The following MACROD2 variants were observed in gnomAD, a reference collection of about 807,000 sequenced individuals.
MACROD2 encodes mono-ADP ribosylhydrolase 2.
A neutral mutation model predicts 70.4 loss-of-function variants in MACROD2; 36 were observed. The ratio of observed to expected loss-of-function variants is 0.51; its 90% CI spans 0.39 to 0.68. The LOEUF (loss-of-function observed/expected upper bound fraction) is 0.68, where lower values mean the gene tolerates loss of function less well. Among genes scored for constraint, MACROD2 ranks in the 30% least tolerant of loss-of-function variants. The pLI is 0.00. For synonymous variants in MACROD2, 172 were observed against 178.8 expected (o/e 0.96, Z 0.30); for missense variants, 496 against 538.4 (o/e 0.92, Z 0.78).
intron 7 of MACROD2, among the ~76,000 whole-genome samples, chr20:15,491,429 C>A (rs891977575): frequency 1.3e-5 from 2 of 152,160 alleles, no homozygotes; most frequent in African/African-American, 2.4e-5. Context: ...GGTTTGACTA[C>A]CCCCAAAAAG....
intron 8 of MACROD2, among the ~76,000 whole-genome samples, chr20:15,838,850 A>G (rs8123881): frequency 0.2 from 30,191 of 150,780 alleles, 3,916 homozygotes; most frequent in African/African-American, 0.37. Context: ...TCATTTGATA[A>G]AAGCATTTAT....
chr20:15,038,808 T>G (rs1382756423), intron 5 of MACROD2, among the ~76,000 whole-genome samples: 4 of 152,144 alleles, frequency 2.6e-5, no homozygotes, highest in Non-Finnish European at 4.4e-5. Flanking sequence ...ATTGATGCTA[T>G]CATAGGAGTG....
intron 4 of MACROD2, among the ~76,000 whole-genome samples, chr20:14,535,241 C>T (rs568558140): frequency 2.6e-5 from 4 of 152,220 alleles, no homozygotes; most frequent in African/African-American, 4.8e-5. Context: ...CAGTGGCTCA[C>T]GCCTGTAATC....
intron 6 of MACROD2, among the ~76,000 whole-genome samples, chr20:15,419,400 G>C (rs1258019965): frequency 6.6e-6 from 1 of 152,172 alleles, no homozygotes; most frequent in Non-Finnish European, 1.5e-5. Context: ...GCGTATCATG[G>C]ACAGGGGTGA....
At chr20:14,746,033 C>G (rs1210337500) in intron 5 of MACROD2, among the ~76,000 whole-genome samples, 2 of 152,106 alleles carry the variant, frequency 1.3e-5, no homozygotes, top group African/African-American at 4.8e-5. Flanking sequence ...CCCAATGCTG[C>G]TCTCAAATTA....
chr20:15,610,574 C>G (rs2048953239), intron 8 of MACROD2, among the ~76,000 whole-genome samples: 1 of 152,154 alleles, frequency 6.6e-6, no homozygotes, highest in Non-Finnish European at 1.5e-5. Flanking sequence ...CCAGGATGAT[C>G]TATCTTAGCA....
At chr20:14,069,380 CAT>C (rs1320983053) in intron 2 of MACROD2, among the ~76,000 whole-genome samples, 2 of 152,048 alleles carry the variant, frequency 1.3e-5, no homozygotes, top group African/African-American at 2.4e-5. Flanking sequence ...CCCTGCATGA[CAT>C]GTGAGCAGAG....
At chr20:16,017,707 T>C (rs2066947974) in intron 15 of MACROD2, among the ~76,000 whole-genome samples, 3 of 152,214 alleles carry the variant, frequency 2.0e-5, no homozygotes, top group Admixed American at 2.0e-4. Flanking sequence ...CATAGTTGAC[T>C]CCTCAGAGTA....
At position 14,480,316 on chromosome 20, in the gene MACROD2, G is replaced by A. The variant is rs2084648748; in HGVS notation, c.272-13163G>A. ...TGTATTCTTTATAATTGGCATAGAG[G>A]TTTCAGTAATTTGCCCAAAATTATA... On this transcript the variant is annotated intron_variant, in intron 3 of 17. Transcript: ENST00000684519. 2.0e-5 allele frequency among the ~76,000 whole-genome samples: 3 copies of A among 152,096 alleles called. No individual in the cohort carries two copies. The South Asian group carries it at 6.2e-4, about 31-fold the overall frequency.
intron 2 of MACROD2, among the ~76,000 whole-genome samples, chr20:14,020,116 C>G (rs952871394): frequency 2.6e-5 from 4 of 152,182 alleles, no homozygotes. Flanking sequence ...CTGGATTAAT[C>G]TGCACATGCT....
intron 7 of MACROD2, among the ~76,000 whole-genome samples, chr20:15,498,727 T>G (rs1463335288): frequency 6.6e-6 from 1 of 152,148 alleles, no homozygotes; most frequent in African/African-American, 2.4e-5. Flanking sequence ...ATAAAAATAT[T>G]CTGGAATTAG....
chr20:14,468,854 A>G (rs1247243966), intron 3 of MACROD2, among the ~76,000 whole-genome samples: 1 of 152,192 alleles, frequency 6.6e-6, no homozygotes, highest in African/African-American at 2.4e-5. Context: ...GGTCTCCTGA[A>G]TACAGCACCC....
intron 4 of MACROD2, among the ~76,000 whole-genome samples, chr20:14,567,529 A>G (rs1294796142): frequency 6.6e-6 from 1 of 152,080 alleles, no homozygotes; most frequent in Non-Finnish European, 1.5e-5. Context: ...CAGCCAGAAC[A>G]TGCTAGCATG....
chr20:15,595,641 C>A (rs1176717420), intron 8 of MACROD2, among the ~76,000 whole-genome samples: 1 of 152,050 alleles, frequency 6.6e-6, no homozygotes, highest in Non-Finnish European at 1.5e-5. Flanking sequence ...TTAATTATAA[C>A]ATTATTTTAA....
Position 15,792,272 on chromosome 20 carries a change from A to G in MACROD2, c.646-70473A>G, listed in dbSNP as rs1187744895. Among the ~76,000 whole-genome samples, 4 of 152,282 alleles carry G rather than the reference A, an allele frequency of 2.6e-5. No homozygotes were observed. In the East Asian group the frequency reaches 7.7e-4, roughly 29 times the overall value. On this transcript the variant is annotated intron_variant, in intron 8 of 17. Coordinates refer to ENST00000684519, the MANE Select transcript of MACROD2 (RefSeq NM_001351661.2). Reference sequence around the variant, plus strand: ...ATTAAACTATGACAGTTTGAGGAAAAACATGAGTGAATTTATTTAAAATTT... The same window carrying G: ...ATTAAACTATGACAGTTTGAGGAAAGACATGAGTGAATTTATTTAAAATTT...
At chr20:15,120,409 G>A (rs1420726141) in intron 5 of MACROD2, among the ~76,000 whole-genome samples, 1 of 152,086 alleles carries the variant, frequency 6.6e-6, no homozygotes, top group Non-Finnish European at 1.5e-5. Context: ...CCAACAGACT[G>A]AACAAATGAA....
intron 7 of MACROD2, among the ~76,000 whole-genome samples, chr20:15,494,745 G>T (rs2047273248): frequency 1.2e-5 from 1 of 82,348 alleles, no homozygotes; most frequent in Non-Finnish European, 2.4e-5. Flanking sequence ...GGGTGTGTGT[G>T]TGTGTGTGTG....
chr20:14,742,160 A>G (rs1367172359), intron 5 of MACROD2, among the ~76,000 whole-genome samples: 1 of 152,168 alleles, frequency 6.6e-6, no homozygotes, highest in Non-Finnish European at 1.5e-5. Context: ...GAAATTTTAT[A>G]AGAATTTTTA....
chr20:15,192,679 C>T (rs375284309), intron 5 of MACROD2, among the ~76,000 whole-genome samples: 1 of 152,090 alleles, frequency 6.6e-6, no homozygotes, highest in East Asian at 1.9e-4. Context: ...TCACTCCATA[C>T]ATCCAGACAC....
Sources: allele counts gnomAD v4.1 joint callset (sites outside exome capture counted in the v4.1 genomes callset), GRCh38; gene constraint gnomAD v4.1.1; transcripts MANE v1.5; gene names NCBI Gene and HGNC (gene_info 2026-07-23, HGNC 2026-07-21).